Variants in FAM133A observed in about 807,000 individuals in gnomAD.
The protein encoded by FAM133A is protein FAM133A.
For missense variants in FAM133A, 159 were observed against 164.4 expected (o/e 0.97, Z 0.18); for synonymous variants, 65 against 58.6 (o/e 1.11, Z -0.50).
chrX:93,698,155 T>C (rs1346443657), intron 2 of FAM133A, among the ~76,000 whole-genome samples: 1 of 111,355 alleles, frequency 9.0e-6, no homozygotes. Flanking sequence ...TTATTTATAG[T>C]AGATAGTTGT....
chrX:93,702,996 G>A (rs1222705312), intron 3 of FAM133A, among the ~76,000 whole-genome samples: 2 of 110,058 alleles, frequency 1.8e-5, no homozygotes, highest in Non-Finnish European at 3.8e-5. Flanking sequence ...GTGATCAGCC[G>A]TGGTGACATG....
chrX:93,694,406 G>A (rs927990807), intron 2 of FAM133A, among the ~76,000 whole-genome samples: 8 of 110,589 alleles, frequency 7.2e-5, no homozygotes, highest in Non-Finnish European at 1.5e-4. Flanking sequence ...AAAGGGGTCA[G>A]AAATTCAAGG....
chrX:93,695,931 A>G (rs1309271377), intron 2 of FAM133A, among the ~76,000 whole-genome samples: 1 of 111,362 alleles, frequency 9.0e-6, no homozygotes, highest in Non-Finnish European at 1.9e-5. Context: ...GGCGTGAGCC[A>G]CTGCGCCTGG....
intron 2 of FAM133A, among the ~76,000 whole-genome samples, chrX:93,690,967 A>T (rs1338220823): frequency 1.8e-5 from 2 of 111,469 alleles, no homozygotes; most frequent in Non-Finnish European, 3.8e-5. Flanking sequence ...CATTTCCCTA[A>T]TGTGTTTTCT....
intron 2 of FAM133A, among the ~76,000 whole-genome samples, chrX:93,678,682 G>A (rs1924894161): frequency 8.9e-6 from 1 of 111,898 alleles, no homozygotes; most frequent in African/African-American, 3.2e-5. Context: ...TTTTGATATA[G>A]ATATGCAGTT....
intron 2 of FAM133A, among the ~76,000 whole-genome samples, chrX:93,677,550 T>C (rs1298523741): frequency 9.0e-6 from 1 of 111,622 alleles, no homozygotes; most frequent in Non-Finnish European, 1.9e-5. Flanking sequence ...TAATGAAAAT[T>C]GTGTCATCCC....
chrX:93,684,729 G>A (rs1925396576), intron 2 of FAM133A, among the ~76,000 whole-genome samples: 2 of 111,180 alleles, frequency 1.8e-5, no homozygotes, highest in South Asian at 3.7e-4. Flanking sequence ...TCTGAATCAC[G>A]TTTTGAATTT....
rs201987125 is a variant in FAM133A, at chrX:93,710,198, G to A, written c.*32G>A. On this transcript the variant is annotated 3_prime_UTR_variant, in exon 4 of 4. Transcript: ENST00000683942. The stretch of plus-strand genomic sequence containing the variant: ...GAAAAAAAGCAAGAATGAGTTTGCC[G>A]AGTTCCCCTGTGTTAGTAGAATTAT... 107 of 1,135,879 alleles carry A rather than the reference G, an allele frequency of 9.4e-5. No homozygotes were observed. The highest frequency in any genetic ancestry group is 1.2e-4 in the Non-Finnish European group (104 of 865,362). The allele number at this position is 1,135,879 out of a possible 1,213,427, so 93.6% of individuals were successfully genotyped here. A position where few individuals can be genotyped will look rare whatever the true frequency, so the allele number is the denominator to read the frequency against.
chrX:93,693,293 C>A (rs1012634983), intron 2 of FAM133A, among the ~76,000 whole-genome samples: 12 of 110,231 alleles, frequency 1.1e-4, no homozygotes, highest in Non-Finnish European at 2.3e-4. Flanking sequence ...CTGGGCAAAC[C>A]CAGTGTACAA....
At chrX:93,696,788 C>T (rs1252469338) in intron 2 of FAM133A, among the ~76,000 whole-genome samples, 1 of 109,988 alleles carries the variant, frequency 9.1e-6, no homozygotes, top group East Asian at 2.9e-4. Flanking sequence ...AGCATGGTGG[C>T]GGGTGCCTGT....
rs1367348326 is a variant in FAM133A, at chrX:93,711,666, A to T, written c.*1500A>T. 8.2e-6 allele frequency: 1 copy of T among 122,586 alleles called. No homozygotes were observed. The highest frequency in any genetic ancestry group is 1.9e-5 in the Non-Finnish European group (1 of 53,115). The allele number at this position is 122,586 out of a possible 1,213,427, so 10.1% of individuals were successfully genotyped here. ...GCTACCTTCAATCACAAGTAAAATT[A>T]TAAAGATAAAAAACATCTACATAAA... On this transcript the variant is annotated 3_prime_UTR_variant, in exon 4 of 4. Transcript: ENST00000683942.
intron 2 of FAM133A, among the ~76,000 whole-genome samples, chrX:93,694,536 G>T (rs1926100349): frequency 9.0e-6 from 1 of 111,405 alleles, no homozygotes; most frequent in Non-Finnish European, 1.9e-5. Flanking sequence ...TGAGTCTGAA[G>T]GAGACACAAA....
At chrX:93,707,371 C>T (rs1927108429) in intron 3 of FAM133A, among the ~76,000 whole-genome samples, 1 of 111,009 alleles carries the variant, frequency 9.0e-6, no homozygotes, top group African/African-American at 3.3e-5. Flanking sequence ...TAGCATTGAG[C>T]TTATGATGGG....
At chrX:93,705,153 A>G (rs770628961) in intron 3 of FAM133A, among the ~76,000 whole-genome samples, 2 of 111,686 alleles carry the variant, frequency 1.8e-5, no homozygotes, top group East Asian at 2.8e-4. Flanking sequence ...TGTAATATCC[A>G]TTGCATAGTA....
chrX:93,676,144 G>C (rs1206112891), intron 2 of FAM133A, among the ~76,000 whole-genome samples: 1 of 110,255 alleles, frequency 9.1e-6, no homozygotes, highest in Non-Finnish European at 1.9e-5. Context: ...AAATTGCTTG[G>C]GTCTGTCTCT....
At chrX:93,686,491 T>C (rs1325427041) in intron 2 of FAM133A, among the ~76,000 whole-genome samples, 1 of 112,222 alleles carries the variant, frequency 8.9e-6, no homozygotes, top group Non-Finnish European at 1.9e-5. Flanking sequence ...TTATGTAATA[T>C]TTAATTCATT....
intron 2 of FAM133A, among the ~76,000 whole-genome samples, chrX:93,694,003 G>T (rs754796918): frequency 1.8e-3 from 202 of 110,287 alleles, no homozygotes; most frequent in African/African-American, 6.0e-3. Flanking sequence ...AAAACCCAAG[G>T]TATATTTTTT....
chrX:93,677,333 A>G (rs1459794433), intron 2 of FAM133A, among the ~76,000 whole-genome samples: 1 of 111,174 alleles, frequency 9.0e-6, no homozygotes, highest in Non-Finnish European at 1.9e-5. Context: ...GTATATAATG[A>G]CAAGTGTAGC....
chrX:93,678,202 T>C (rs55771015), intron 2 of FAM133A, among the ~76,000 whole-genome samples: 8,868 of 111,478 alleles, frequency 0.08, 341 homozygotes, highest in South Asian at 0.18. Flanking sequence ...ATTTTGTCCA[T>C]TTAAAAAAAT....
Sources: allele counts gnomAD v4.1 joint callset (sites outside exome capture counted in the v4.1 genomes callset), GRCh38; gene constraint gnomAD v4.1.1; transcripts MANE v1.5; gene names NCBI Gene and HGNC (gene_info 2026-07-23, HGNC 2026-07-21).